Variants in ZNF440 observed in about 807,000 individuals in gnomAD.
The protein encoded by ZNF440 is zinc finger protein 440.
A neutral mutation model predicts 49.7 loss-of-function variants in ZNF440; 47 were observed. The observed-to-expected ratio is 0.95, with a 90% CI of 0.75 to 1.21. The LOEUF (loss-of-function observed/expected upper bound fraction) is 1.21. ZNF440 is among the 50% of genes most tolerant of loss of function. ZNF440 has a pLI of 0.00. For synonymous variants in ZNF440, 255 were observed against 237.7 expected (o/e 1.07, Z -0.67); for missense variants, 703 against 715.0 (o/e 0.98, Z 0.19).
chr19:11,831,207 A>T (rs912240215), intron 3 of ZNF440, among the ~76,000 whole-genome samples, 161 bp from the exon 4 acceptor site: 10 of 152,340 alleles, frequency 6.6e-5, no homozygotes, highest in African/African-American at 1.9e-4. Flanking sequence ...TGGCTGGGTC[A>T]CCTTGTAGAA....
chr19:11,825,468 G>A (rs558219129), intron 1 of ZNF440, among the ~76,000 whole-genome samples: 1 of 152,018 alleles, frequency 6.6e-6, no homozygotes, highest in East Asian at 1.9e-4. Context: ...TCCCTCTTTT[G>A]CCACCCCTAT....
In ZNF440 at chr19:11,832,201, G is replaced by T; in HGVS notation, c.1025G>T (p.Cys342Phe). The change falls in exon 4 of 4, where the codon TGT becomes TTT. Residue 342 changes from cysteine to phenylalanine, a missense_variant. Cys to Phe is a radical substitution (Grantham distance 205). Coordinates refer to ENST00000304060, the MANE Select transcript of ZNF440 (RefSeq NM_152357.3). ...CACTCTGGAGAAAGACCTTATGAATGTAAGATATGTGGAAAAGACTTTTGT... is the reference window on the plus strand; with the variant it reads ...CACTCTGGAGAAAGACCTTATGAATTTAAGATATGTGGAAAAGACTTTTGT... Reference protein sequence around the residue: ...RLHSGERPYECKICGKDFCSV... With the variant: ...RLHSGERPYEFKICGKDFCSV... The T allele has an allele frequency of 3.1e-6, 5 of 1,614,168 alleles. No individual in the cohort carries two copies. Among genetic ancestry groups the T allele is most frequent in the Non-Finnish European group, 4.2e-6 (5 of 1,180,028 alleles).
Position 11,814,369 on chromosome 19 carries a change from C to A in ZNF440, c.-79C>A. On this transcript the variant is annotated 5_prime_UTR_variant, in exon 1 of 4. Transcript: ENST00000304060. ...TAGGTGCCTCCACCAGAGCTTCTGT[C>A]GCTCTGTAACCTGCACTGTGACCTA... 1 of 1,465,356 alleles carries A rather than the reference C, an allele frequency of 6.8e-7. No homozygotes were observed. 90.8% of individuals were successfully genotyped at this position (1,465,356 alleles called of 1,614,324 possible).
At chr19:11,830,155 T>A (rs1975916245) in intron 1 of ZNF440, 128 bp from the exon 2 acceptor site, 2 of 1,509,486 alleles carry the variant, frequency 1.3e-6, no homozygotes, top group African/African-American at 1.4e-5. Context: ...GAGAAAGAGA[T>A]CTGATGACCA....
At chr19:11,830,574 T>C (rs764053600) in intron 2 of ZNF440, 43 bp from the exon 3 acceptor site, 1 of 1,606,094 alleles carries the variant, frequency 6.2e-7, no homozygotes, top group Non-Finnish European at 8.5e-7. Flanking sequence ...TTTTCACAAT[T>C]TTATACTGCC....
In ZNF440 at chr19:11,832,653, G is replaced by T; in HGVS notation, c.1477G>T (p.Val493Leu). 6.2e-7 allele frequency: 1 copy of T among 1,613,638 alleles called. No individual in the cohort carries two copies. Among genetic ancestry groups the T allele is most frequent in the Non-Finnish European group, 8.5e-7 (1 of 1,179,838 alleles). Reference sequence around the variant, plus strand: ...ACTCTATGAATGCAAGCAACGTTCAGTAGTTCCTTCAGTAGTTCCAGTTCC... The same window carrying T: ...ACTCTATGAATGCAAGCAACGTTCATTAGTTCCTTCAGTAGTTCCAGTTCC... ...EKLYECKQRS[V>L]VPSVVPVPFD... is the part of the protein sequence containing the mutation. The change falls in exon 4 of 4, where the codon GTA becomes TTA. Residue 493 changes from valine (V) to leucine (L), a missense_variant. Val to Leu is a conservative substitution (Grantham distance 32). Coordinates refer to ENST00000304060, the MANE Select transcript of ZNF440 (RefSeq NM_152357.3).
chr19:11,817,796 G>A (rs1363890329), intron 1 of ZNF440: 1 of 152,178 alleles, frequency 6.6e-6, no homozygotes, highest in African/African-American at 2.4e-5. Flanking sequence ...CTATGTAAAA[G>A]ACTAAACTGA....
chr19:11,826,003 C>T (rs1414492662), intron 1 of ZNF440, among the ~76,000 whole-genome samples: 9 of 151,782 alleles, frequency 5.9e-5, no homozygotes, highest in Non-Finnish European at 8.8e-5. Context: ...TTAGTAGAGA[C>T]GGGGTTTCTC....
intron 1 of ZNF440, among the ~76,000 whole-genome samples, chr19:11,818,008 G>A (rs575011193): frequency 2.6e-5 from 4 of 152,140 alleles, no homozygotes; most frequent in Admixed American, 1.3e-4. Context: ...TTAGGGGTTC[G>A]ATACCAGCCT....
chr19:11,832,291 A>G lies in ZNF440; in HGVS notation c.1115A>G (p.Gln372Arg). ...HSGEKPYKCK[Q>R]CGKAFPHSSS... The stretch of plus-strand genomic sequence containing the variant: ...GGAGAGAAACCCTATAAATGTAAGC[A>G]GTGTGGTAAAGCCTTCCCTCATTCC... The change falls in exon 4 of 4, where the codon CAG becomes CGG. Residue 372 changes from glutamine (Q) to arginine (R), a missense_variant. Gln to Arg is a conservative substitution (Grantham distance 43, BLOSUM62 1). Coordinates refer to ENST00000304060, the MANE Select transcript of ZNF440 (RefSeq NM_152357.3). 1 of 1,614,176 alleles carries G rather than the reference A, an allele frequency of 6.2e-7. No individual in the cohort carries two copies.
intron 1 of ZNF440, among the ~76,000 whole-genome samples, chr19:11,822,726 A>G (rs1162137531): frequency 1.3e-5 from 2 of 152,074 alleles, no homozygotes; most frequent in Non-Finnish European, 2.9e-5. Flanking sequence ...ACATGGCTGT[A>G]ATCCCAGCTA....
chr19:11,828,579 A>G lies in ZNF440; in HGVS notation c.4-1704A>G, dbSNP rs2459628. ...CATGTACAGTTGAGATAGTTTGACA[A>G]ATCTACATAAGTTCTCTAAGATGAA... On this transcript the variant is annotated intron_variant, in intron 1 of 3. Coordinates refer to ENST00000304060, the MANE Select transcript of ZNF440 (RefSeq NM_152357.3). Among the ~76,000 whole-genome samples, 1,402 of 152,322 alleles carry G rather than the reference A, an allele frequency of 9.2e-3. 25 individuals carry two copies. The highest frequency in any genetic ancestry group is 0.032 in the African/African-American group (1,322 of 41,556).
chr19:11,819,606 G>A (rs558077119), intron 1 of ZNF440, among the ~76,000 whole-genome samples: 2 of 152,166 alleles, frequency 1.3e-5, no homozygotes, highest in South Asian at 4.2e-4. Context: ...CACCATGTTG[G>A]CCAGGCTGGC....
chr19:11,823,652 T>G (rs1377173418), intron 1 of ZNF440, among the ~76,000 whole-genome samples: 2 of 152,016 alleles, frequency 1.3e-5, no homozygotes, highest in Non-Finnish European at 2.9e-5. Flanking sequence ...TTTTTGGACT[T>G]GAAGAAAATT....
At chr19:11,820,229 GT>G (rs1975781825) in intron 1 of ZNF440, among the ~76,000 whole-genome samples, 1 of 151,942 alleles carries the variant, frequency 6.6e-6, no homozygotes, top group South Asian at 2.1e-4. Context: ...TTGTTTGTTT[GT>G]TTTTGAGACA....
intron 1 of ZNF440, among the ~76,000 whole-genome samples, chr19:11,821,723 G>T (rs602574): frequency 0.39 from 59,374 of 152,122 alleles, 12,130 homozygotes; most frequent in African/African-American, 0.5. Context: ...CAGCCAGCAC[G>T]GCCCCTCTGT....
Position 11,832,577 on chromosome 19 carries a change from T to C in ZNF440, c.1401T>C (p.Phe467=), listed in dbSNP as rs1313761704. 10 of 1,613,590 alleles carry C rather than the reference T, an allele frequency of 6.2e-6. No individual in the cohort carries two copies. Among genetic ancestry groups the C allele is most frequent in the Non-Finnish European group, 8.5e-6 (10 of 1,179,914 alleles). ...AATGTAAGATATGTGGGAAAGGCTT[T>C]TATTGTCCCAAATCATTTCAAAGAC... The part of the protein sequence containing the change: ...RYKCKICGKG[F]YCPKSFQRHE... The change falls in exon 4 of 4, where the codon TTT becomes TTC. Residue 467 remains phenylalanine, a synonymous_variant. Coordinates refer to ENST00000304060, the MANE Select transcript of ZNF440 (RefSeq NM_152357.3).
chr19:11,834,599 A>C lies in ZNF440; in HGVS notation c.*1635A>C, dbSNP rs1294588341. ...GACTGTGAGATGTATGAGAATTACAAGTCACATTAGTAAGAAGAGAAAAAT... is the reference window on the plus strand; with the variant it reads ...GACTGTGAGATGTATGAGAATTACACGTCACATTAGTAAGAAGAGAAAAAT... On this transcript the variant is annotated 3_prime_UTR_variant, in exon 4 of 4. Coordinates refer to ENST00000304060, the MANE Select transcript of ZNF440 (RefSeq NM_152357.3). The C allele has an allele frequency of 2.0e-5, 3 of 152,256 alleles. No homozygotes were observed. The highest frequency in any genetic ancestry group is 3.8e-4 in the East Asian group (2 of 5,204). The allele number at this position is 152,256 out of a possible 1,614,324, so 9.4% of individuals were successfully genotyped here. A position where few individuals can be genotyped will look rare whatever the true frequency, so the allele number is the denominator to read the frequency against.
chr19:11,831,357 AT>A lies in ZNF440; in HGVS notation c.192-6del. ...ACAAACCCTTCATAATATGCTTCTC[AT>A]TTTTGACAGGAGTCTCATAGAAGAA... On this transcript the variant is annotated splice_polypyrimidine_tract_variant and intron_variant, in intron 3 of 3. Coordinates refer to ENST00000304060, the MANE Select transcript of ZNF440 (RefSeq NM_152357.3). 1 of 1,597,748 alleles carries A rather than the reference AT, an allele frequency of 6.3e-7. No homozygotes were observed. The highest frequency in any genetic ancestry group is 1.1e-5 in the South Asian group (1 of 87,904).
Sources: allele counts gnomAD v4.1 joint callset (sites outside exome capture counted in the v4.1 genomes callset), GRCh38; gene constraint gnomAD v4.1.1; transcripts MANE v1.5; gene names NCBI Gene and HGNC (gene_info 2026-07-23, HGNC 2026-07-21).